ADAR: variants seen among roughly 807,000 people sequenced by gnomAD.
ADAR encodes double-stranded RNA-specific adenosine deaminase.
Under a neutral mutation model 113.2 loss-of-function variants are expected in ADAR, and 41 were observed. The observed-to-expected ratio is 0.36, with a 90% CI of 0.28 to 0.47. The LOEUF is 0.47. ADAR is among the 20% of genes least tolerant of loss of function. The pLI is 1.00. For synonymous variants in ADAR, 605 were observed against 572.6 expected (o/e 1.06, Z -0.81); for missense variants, 1,242 against 1,540.9 (o/e 0.81, Z 3.25).
chr1:154,616,267 G>A (rs565465409), intron 1 of ADAR, among the ~76,000 whole-genome samples: 1 of 152,248 alleles, frequency 6.6e-6, no homozygotes, highest in African/African-American at 2.4e-5. Context: ...ATACTTTGAT[G>A]GCTTCCTAAT....
In ADAR at chr1:154,585,503, T is replaced by G. The variant is rs952968188; in HGVS notation, c.3316-159A>C. 2.6e-5 allele frequency: 27 copies of G among 1,022,080 alleles called. No individual in the cohort carries two copies. In the Admixed American group the frequency reaches 5.0e-4, roughly 19 times the overall value. 63.3% of individuals were successfully genotyped at this position (1,022,080 alleles called of 1,614,324 possible). On this transcript the variant is annotated intron_variant, in intron 13 of 14. Transcript: ENST00000368474. ...GCTAAGACTGAGCACCCTCTAGACATACTAACTCCACCTCGATTCAGATTA... is the reference window on the plus strand; with the variant it reads ...GCTAAGACTGAGCACCCTCTAGACAGACTAACTCCACCTCGATTCAGATTA...
At position 154,585,279 on chromosome 1, in the gene ADAR, G is replaced by A. The variant is rs1322609572; in HGVS notation, c.3381C>T (p.Asn1127=). The A allele has an allele frequency of 1.2e-6, 2 of 1,614,058 alleles. No homozygotes were observed. Among genetic ancestry groups the A allele is most frequent in the Non-Finnish European group, 1.7e-6 (2 of 1,180,052 alleles). Residue 1127 remains asparagine, a synonymous_variant, in exon 14 of 15, where the codon AAC becomes AAT. Coordinates refer to ENST00000368474, the MANE Select transcript of ADAR (RefSeq NM_001111.5). ...GGTCATAGCCATCAGCCAGACACCA[G>A]TTGACGCTTGTCTCCTTAGTCTTCC... The part of the protein sequence containing the change: ...QSGKTKETSV[N]WCLADGYDLE...
At chr1:154,605,795 C>T (rs141072088) in intron 1 of ADAR, among the ~76,000 whole-genome samples, 18 of 152,220 alleles carry the variant, frequency 1.2e-4, no homozygotes, top group Non-Finnish European at 1.9e-4. Flanking sequence ...GTGCTGGCTC[C>T]CAGAGCTGAA....
At position 154,601,773 on chromosome 1, in the gene ADAR, G is replaced by C. The variant is rs1284913091; in HGVS notation, c.869C>G (p.Pro290Arg). ...DSNSTSALEDPLEFLDMAEIK... is the reference protein window; with the variant it reads ...DSNSTSALEDRLEFLDMAEIK... ...CTCGGCCATGTCTAAAAACTCAAGA[G>C]GATCTTCCAAGGCAGATGTGGAGTT... Residue 290 changes from proline to arginine, a missense_variant, in exon 2 of 15, where the codon CCT (proline) becomes CGT (arginine). Physicochemically the swap from Pro to Arg is moderately radical, Grantham distance 103 (BLOSUM62 -2). Around this residue, in one of 2 missense-constraint regions of ADAR, gnomAD observed 462 missense variants for 483.1 expected, o/e 0.96. Transcript: ENST00000368474. The surrounding 1 kb of genome is among the most constrained non-coding windows in gnomAD (Gnocchi z 4.7). 1.2e-6 allele frequency: 2 copies of C among 1,614,104 alleles called. No homozygotes were observed. Among genetic ancestry groups the C allele is most frequent in the African/African-American group, 2.7e-5 (2 of 74,932 alleles).
At chr1:154,589,571 C>A in intron 8 of ADAR, 109 bp from the exon 9 acceptor site, 1 of 1,216,852 alleles carries the variant, frequency 8.2e-7, no homozygotes. Context: ...CTCAGTTTCT[C>A]AGATCCTAGA....
chr1:154,601,173 C>T lies in ADAR; in HGVS notation c.1469G>A (p.Cys490Tyr). 1 of 1,614,200 alleles carries T rather than the reference C, an allele frequency of 6.2e-7. No homozygotes were observed. The highest frequency in any genetic ancestry group is 8.5e-7 in the Non-Finnish European group (1 of 1,180,048). ...CTCTGTCAGTTTCTTGTAGGGTGAA[C>T]ACCGTGGCAAGCCATGACTGTAGAA... ...PSFYSHGLPRCSPYKKLTECQ... is the reference protein window; with the variant it reads ...PSFYSHGLPRYSPYKKLTECQ... The change falls in exon 2 of 15, where the codon TGT becomes TAT. Residue 490 changes from cysteine (C) to tyrosine (Y), a missense_variant. Cys to Tyr is a radical substitution (Grantham distance 194, BLOSUM62 -2). Transcript: ENST00000368474. This position sits in a 1 kb window ranked among gnomAD's most constrained non-coding sequence, Gnocchi z 4.7.
chr1:154,613,626 C>A (rs1363451118), intron 1 of ADAR, among the ~76,000 whole-genome samples: 1 of 151,998 alleles, frequency 6.6e-6, no homozygotes, highest in East Asian at 1.9e-4. Context: ...GAAATGTGGC[C>A]AGGCGCGGTG....
At chr1:154,606,815 A>G (rs755054168) in intron 1 of ADAR, among the ~76,000 whole-genome samples, 15 of 152,186 alleles carry the variant, frequency 9.9e-5, no homozygotes, top group Non-Finnish European at 1.6e-4. Flanking sequence ...TTTAGGATCA[A>G]GAGATAAGCA....
intron 1 of ADAR, among the ~76,000 whole-genome samples, chr1:154,622,643 G>A (rs1341005742): frequency 1.3e-5 from 2 of 152,156 alleles, no homozygotes; most frequent in Non-Finnish European, 2.9e-5. Context: ...GAGGCTCCTT[G>A]GGCCTGACCT....
chr1:154,590,152 C>A lies in ADAR; in HGVS notation c.2496+32G>T, dbSNP rs745956839. 237 of 1,333,368 alleles carry A rather than the reference C, an allele frequency of 1.8e-4. 1 individual carries two copies. Among genetic ancestry groups the A allele is most frequent in the East Asian group, 2.6e-4 (10 of 39,146 alleles). The allele number at this position is 1,333,368 out of a possible 1,614,324, so 82.6% of individuals were successfully genotyped here. On this transcript the variant is annotated intron_variant, in intron 7 of 14. Transcript: ENST00000368474. ...TAGGAGTTAGGAGGACCCCCCCGCC[C>A]CAAAAAAGGCACCAAAAGTAGACGT...
At chr1:154,588,797 A>C (rs1179146208) in intron 9 of ADAR, 124 bp from the exon 10 acceptor site, 10 of 1,361,868 alleles carry the variant, frequency 7.3e-6, no homozygotes, top group African/African-American at 4.3e-5. Context: ...TTCACAGTTT[A>C]TCAGGTGGAA....
chr1:154,622,649 G>C (rs1698821658), intron 1 of ADAR, among the ~76,000 whole-genome samples: 1 of 152,154 alleles, frequency 6.6e-6, no homozygotes. Flanking sequence ...CCTTGGGCCT[G>C]ACCTCTGCAG....
rs1207278075 is a variant in ADAR at position 154,597,192 on chromosome 1, C to G, written c.2010G>C (p.Gln670His). The G allele has an allele frequency of 6.2e-7, 1 of 1,614,122 alleles. No individual in the cohort carries two copies. Among genetic ancestry groups the G allele is most frequent in the African/African-American group, 1.3e-5 (1 of 74,934 alleles). The change falls in exon 5 of 15, where the codon CAG becomes CAC. Residue 670 changes from glutamine (Q) to histidine (H), a missense_variant. Physicochemically the swap from Gln to His is conservative, Grantham distance 24. This residue lies in a region of ADAR where 780 missense variants were observed against 1,057.9 expected (regional missense o/e 0.74). Transcript: ENST00000368474. ...CCTTCATGGCTTCCTCTGCGGCCAT[C>G]TGCTTTGCCACTTTCTTGCTGGGAG... ...VSAPSKKVAK[Q>H]MAAEEAMKAL... is the part of the protein sequence containing the mutation.
At chr1:154,585,385 T>C (rs1396441251) in intron 13 of ADAR, 41 bp from the exon 14 acceptor site, 4 of 1,613,742 alleles carry the variant, frequency 2.5e-6, no homozygotes, top group African/African-American at 1.3e-5. Context: ...TGGAAACCTT[T>C]CAGGAATAAG....
chr1:154,589,947 G>T lies in ADAR; in HGVS notation c.2497-19C>A, dbSNP rs1363042771. ...GAGGGAGCTGTGGGGAAAAGAGGCT[G>T]TGTCAGCACCACAAAGCTGAGGCTG... On this transcript the variant is annotated intron_variant, in intron 7 of 14. Transcript: ENST00000368474. 2.5e-6 allele frequency: 4 copies of T among 1,613,692 alleles called. No homozygotes were observed. The highest frequency in any genetic ancestry group is 3.4e-6 in the Non-Finnish European group (4 of 1,179,980).
At chr1:154,598,301 G>T in intron 3 of ADAR, 101 bp downstream of exon 3, 1 of 1,304,640 alleles carries the variant, frequency 7.7e-7, no homozygotes, top group Non-Finnish European at 1.1e-6. Flanking sequence ...CTGACTCCGA[G>T]ATGGTGTCAG....
At chr1:154,598,637 G>C (rs757970441) in intron 2 of ADAR, 52 bp from the exon 3 acceptor site, 1 of 1,584,640 alleles carries the variant, frequency 6.3e-7, no homozygotes. Flanking sequence ...CACTCCTTCT[G>C]CCTTCTCCAA....
rs550354472 is a variant in ADAR, at chr1:154,627,645, C to T, written c.-871+210G>A. 9.2e-5 allele frequency among the ~76,000 whole-genome samples: 14 copies of T among 152,364 alleles called. No individual in the cohort carries two copies. In the East Asian group the frequency reaches 2.7e-3, roughly 29 times the overall value. On this transcript the variant is annotated intron_variant, in intron 1 of 14. Coordinates refer to the ADAR transcript ENST00000368471. ...GCGCGCACACACGCACAAAAGTACA[C>T]CGGCCCGGGCGTCCGCCTCCTGGAA...
At chr1:154,598,712 A>G in intron 2 of ADAR, 127 bp from the exon 3 acceptor site, 1 of 932,662 alleles carries the variant, frequency 1.1e-6, no homozygotes, top group Non-Finnish European at 1.7e-6. Flanking sequence ...GATGAAGGGT[A>G]GGCCAAGGAA....
Sources: allele counts gnomAD v4.1 joint callset (sites outside exome capture counted in the v4.1 genomes callset), GRCh38; gene constraint gnomAD v4.1.1; regional missense constraint gnomAD v4.1.1; non-coding constraint Gnocchi (gnomAD v3.1); transcripts MANE v1.5; gene names NCBI Gene and HGNC (gene_info 2026-07-23, HGNC 2026-07-21).